The following NFIB variants were observed in gnomAD, a reference collection of about 807,000 sequenced individuals.
The protein encoded by NFIB is nuclear factor I B.
In NFIB, 11 loss-of-function variants were observed where a neutral mutation model predicts 61.5. The ratio of observed to expected loss-of-function variants is 0.18; its 90% confidence interval spans 0.11 to 0.30. The LOEUF (loss-of-function observed/expected upper bound fraction) is 0.30, where lower values mean the gene tolerates loss of function less well. Ranked by LOEUF, NFIB falls within the 10% of genes least tolerant of loss-of-function variation. NFIB has a pLI of 1.00. For synonymous variants in NFIB, 260 were observed against 216.5 expected, an observed-to-expected ratio of 1.20 and a Z score of -1.76; for missense variants, 471 against 608.9, an observed-to-expected ratio of 0.77 and a Z score of 2.38.
intron 10 of NFIB, among the ~76,000 whole-genome samples, chr9:14,104,948 T>C (rs1385617023): frequency 1.3e-5 from 2 of 152,148 alleles, no homozygotes; most frequent in African/African-American, 4.8e-5. Flanking sequence ...AAAAATAATA[T>C]GCTTTCACAA....
At chr9:14,158,067 A>G (rs1488369831) in intron 3 of NFIB, among the ~76,000 whole-genome samples, 1 of 150,044 alleles carries the variant, frequency 6.7e-6, no homozygotes, top group Non-Finnish European at 1.5e-5. Context: ...GCCGAGATGG[A>G]GCCATTGCAT....
chr9:14,352,795 T>C (rs1434277277), intron 1 of NFIB, among the ~76,000 whole-genome samples: 1 of 152,196 alleles, frequency 6.6e-6, no homozygotes, highest in African/African-American at 2.4e-5. Flanking sequence ...CAGCTGCTTT[T>C]CAAAGGCCTG....
At chr9:14,449,954 A>C in the NFIB span, among the ~76,000 whole-genome samples, 1 of 151,906 alleles carries the variant, frequency 6.6e-6, no homozygotes, top group East Asian at 1.9e-4. Context: ...TAAATAAATA[A>C]ATAAATAAAA....
chr9:14,163,876 TA>T (rs1432873654), intron 3 of NFIB, among the ~76,000 whole-genome samples: 1 of 151,264 alleles, frequency 6.6e-6, no homozygotes, highest in Admixed American at 6.6e-5. Flanking sequence ...CTTTGGCAAA[TA>T]AAAGTAAATA....
At chr9:14,111,020 T>C (rs1164667082) in intron 10 of NFIB, among the ~76,000 whole-genome samples, 1 of 152,132 alleles carries the variant, frequency 6.6e-6, no homozygotes, top group Non-Finnish European at 1.5e-5. Flanking sequence ...ATGTATCCCA[T>C]AAGTATTAAC....
intron 2 of NFIB, among the ~76,000 whole-genome samples, chr9:14,218,865 C>G (rs529869347): frequency 6.6e-6 from 1 of 152,282 alleles, no homozygotes; most frequent in South Asian, 2.1e-4. Context: ...TCTCCATCAT[C>G]AAAAGACATT....
At chr9:14,163,510 G>C (rs192739614) in intron 3 of NFIB, among the ~76,000 whole-genome samples, 1 of 151,964 alleles carries the variant, frequency 6.6e-6, no homozygotes, top group Non-Finnish European at 1.5e-5. Context: ...CAACGGTTAA[G>C]AGAAAACTTA....
the NFIB span, among the ~76,000 whole-genome samples, chr9:14,514,424 A>T: frequency 6.6e-6 from 1 of 152,150 alleles, no homozygotes; most frequent in African/African-American, 2.4e-5. Flanking sequence ...CAAGAGCAAG[A>T]TGTTATGGAA....
At chr9:14,103,370 A>AT (rs779101762) in intron 10 of NFIB, among the ~76,000 whole-genome samples, 10 of 151,938 alleles carry the variant, frequency 6.6e-5, no homozygotes, top group Non-Finnish European at 1.3e-4. Context: ...GTAGAAAATC[A>AT]TCGTTTTTAA....
chr9:14,355,588 C>G (rs1470422378), intron 1 of NFIB, among the ~76,000 whole-genome samples: 6 of 152,210 alleles, frequency 3.9e-5, no homozygotes, highest in Non-Finnish European at 1.5e-5. Flanking sequence ...GGCAGCAGGG[C>G]TGGCTTCCTG....
intron 2 of NFIB, among the ~76,000 whole-genome samples, chr9:14,212,102 C>T (rs950570664): frequency 6.6e-6 from 1 of 152,178 alleles, no homozygotes; most frequent in African/African-American, 2.4e-5. Context: ...AAAAATGAAC[C>T]ATTCTAACAT....
the NFIB span, among the ~76,000 whole-genome samples, chr9:14,521,339 T>C: frequency 6.6e-6 from 1 of 152,194 alleles, no homozygotes; most frequent in Non-Finnish European, 1.5e-5. Context: ...AAACACGGCT[T>C]GTAATGTTCT....
At chr9:14,372,769 G>A (rs939397554) in intron 1 of NFIB, among the ~76,000 whole-genome samples, 1 of 152,186 alleles carries the variant, frequency 6.6e-6, no homozygotes, top group South Asian at 2.1e-4. Flanking sequence ...TTGGCTGGCT[G>A]TAGCTTCTAA....
chr9:14,444,688 C>A, the NFIB span, among the ~76,000 whole-genome samples: 2 of 152,092 alleles, frequency 1.3e-5, no homozygotes, highest in Non-Finnish European at 2.9e-5. Context: ...CAAATTTTGT[C>A]CTTATCCCCG....
At chr9:14,414,511 ATTTTTTT>A in the NFIB span, among the ~76,000 whole-genome samples, 2 of 120,026 alleles carry the variant, frequency 1.7e-5, no homozygotes, top group Non-Finnish European at 3.4e-5. Context: ...CACGTTTTGT[ATTTTTTT>A]TTTTTTTTTT....
chr9:14,409,585 G>A, the NFIB span, among the ~76,000 whole-genome samples: 3 of 152,194 alleles, frequency 2.0e-5, no homozygotes, highest in Non-Finnish European at 4.4e-5. Flanking sequence ...ATGAGGAAAG[G>A]GGAGCGGCAA....
chr9:14,487,173 G>A, the NFIB span, among the ~76,000 whole-genome samples: 1 of 152,152 alleles, frequency 6.6e-6, no homozygotes, highest in Non-Finnish European at 1.5e-5. Context: ...CCTGGATTCA[G>A]ACAAGGTTTG....
At position 14,120,491 on chromosome 9, in the gene NFIB, A is replaced by G. The variant is rs758852901; in HGVS notation, c.1194T>C (p.Thr398=). Residue 398 remains threonine, a synonymous_variant, in exon 8 of 11, where the codon ACT becomes ACC. Coordinates refer to ENST00000380953, the MANE Select transcript of NFIB (RefSeq NM_001190737.2). This position sits in a 1 kb window ranked among gnomAD's most constrained non-coding sequence, Gnocchi z 4.4. ...CATAAGAAGGTACATAGTTCTTCAG[A>G]GTATCCTGAGGATTCAGGTGGGGAG... The part of the protein sequence containing the change: ...RYPPHLNPQD[T]LKNYVPSYDP... The G allele has an allele frequency of 6.2e-7, 1 of 1,614,124 alleles. No homozygotes were observed. Among genetic ancestry groups the G allele is most frequent in the Non-Finnish European group, 8.5e-7 (1 of 1,180,018 alleles).
At chr9:14,427,953 T>TTTTTTTG in the NFIB span, among the ~76,000 whole-genome samples, 2 of 118,056 alleles carry the variant, frequency 1.7e-5, no homozygotes, top group Non-Finnish European at 3.6e-5. Flanking sequence ...TTTTTTTTTT[T>TTTTTTTG]TTTTTTTTTT....
Sources: allele counts gnomAD v4.1 joint callset (sites outside exome capture counted in the v4.1 genomes callset), GRCh38; gene constraint gnomAD v4.1.1; non-coding constraint Gnocchi (gnomAD v3.1); transcripts MANE v1.5; gene names NCBI Gene and HGNC (gene_info 2026-07-23, HGNC 2026-07-21).